Variants in ADAMTS2 observed in about 807,000 individuals in gnomAD.
The protein encoded by ADAMTS2 is A disintegrin and metalloproteinase with thrombospondin motifs 2.
In ADAMTS2, 50 loss-of-function variants were observed where a neutral mutation model predicts 123.0. The ratio of observed to expected loss-of-function variants is 0.41; its 90% CI spans 0.32 to 0.51. The LOEUF is 0.51. Among genes scored for constraint, ADAMTS2 ranks in the 20% least tolerant of loss-of-function variants. The pLI, the probability that ADAMTS2 is intolerant of heterozygous loss-of-function variation, is 0.35. For synonymous variants in ADAMTS2, 678 were observed against 695.4 expected (o/e 0.98, Z 0.39); for missense variants, 1,494 against 1,705.2 (o/e 0.88, Z 2.18).
intron 17 of ADAMTS2, among the ~76,000 whole-genome samples, chr5:179,127,012 T>C (rs1323990111): frequency 6.6e-6 from 1 of 152,186 alleles, no homozygotes; most frequent in African/African-American, 2.4e-5. Flanking sequence ...CTGGAGGCCA[T>C]GAGGAGAATT....
chr5:179,302,917 A>G (rs905259410), intron 2 of ADAMTS2, among the ~76,000 whole-genome samples: 4 of 125,412 alleles, frequency 3.2e-5, no homozygotes, highest in African/African-American at 9.2e-5. Context: ...GAGTGTGGAG[A>G]GCAAAGGGTG....
At chr5:179,236,147 G>C (rs1765516607) in intron 3 of ADAMTS2, among the ~76,000 whole-genome samples, 1 of 152,238 alleles carries the variant, frequency 6.6e-6, no homozygotes, top group African/African-American at 2.4e-5. Context: ...TCCCAGGCAG[G>C]GGGAAGAGCT....
At chr5:179,143,093 G>A (rs775077248) in intron 10 of ADAMTS2, among the ~76,000 whole-genome samples, 14 of 152,286 alleles carry the variant, frequency 9.2e-5, no homozygotes, top group African/African-American at 2.4e-4. Context: ...CAGGAATGAC[G>A]TGTCACCAAA....
At chr5:179,249,821 A>T (rs1470590172) in intron 3 of ADAMTS2, among the ~76,000 whole-genome samples, 1 of 152,148 alleles carries the variant, frequency 6.6e-6, no homozygotes, top group East Asian at 1.9e-4. Context: ...CCTATCACTT[A>T]AAGAATTAAT....
intron 3 of ADAMTS2, among the ~76,000 whole-genome samples, chr5:179,251,881 A>G (rs1008117031): frequency 1.3e-5 from 2 of 152,186 alleles, no homozygotes; most frequent in Non-Finnish European, 2.9e-5. Flanking sequence ...TGTCTGCAGA[A>G]TTACCTATTT....
intron 4 of ADAMTS2, among the ~76,000 whole-genome samples, chr5:179,198,750 C>T (rs1169638292): frequency 1.3e-5 from 2 of 151,846 alleles, no homozygotes; most frequent in African/African-American, 4.8e-5. Flanking sequence ...AGGAGAATTG[C>T]TTGAACCTGA....
In ADAMTS2 at chr5:179,226,276, C is replaced by CTTT. The variant is rs112956370; in HGVS notation, c.689-18564_689-18562dup. 5.9e-3 allele frequency among the ~76,000 whole-genome samples: 775 copies of CTTT among 132,268 alleles called. 11 individuals carry two copies. The highest frequency in any genetic ancestry group is 0.016 in the African/African-American group (574 of 36,010). 86.8% of individuals were successfully genotyped at this position (132,268 alleles called of 152,430 possible). On this transcript the variant is annotated intron_variant, in intron 3 of 21. Coordinates refer to ENST00000251582, the MANE Select transcript of ADAMTS2 (RefSeq NM_014244.5). The stretch of plus-strand genomic sequence containing the variant: ...TCTTCTCTTTCTTCTTTCCTTCTTT[C>CTTT]TTTTTTTTTTTTGAGACAGAGTCTC...
chr5:179,205,533 A>T (rs2113369439), intron 4 of ADAMTS2, among the ~76,000 whole-genome samples: 1 of 152,332 alleles, frequency 6.6e-6, no homozygotes, highest in African/African-American at 2.4e-5. Flanking sequence ...TGGAGTCGCC[A>T]TCGGACTGTA....
At chr5:179,219,595 G>A (rs766845961) in intron 3 of ADAMTS2, among the ~76,000 whole-genome samples, 3 of 152,202 alleles carry the variant, frequency 2.0e-5, no homozygotes, top group African/African-American at 4.8e-5. Context: ...TCCCAGATAC[G>A]TGTCCTTGGG....
chr5:179,125,863 A>C, intron 18 of ADAMTS2, 135 bp downstream of exon 18: 1 of 1,341,086 alleles, frequency 7.5e-7, no homozygotes, highest in Non-Finnish European at 1.0e-6. Context: ...CTTAGATTCC[A>C]TGAAATGTGG....
chr5:179,207,470 G>GT, intron 4 of ADAMTS2, 43 bp downstream of exon 4: 2 of 1,323,550 alleles, frequency 1.5e-6, no homozygotes, highest in Non-Finnish European at 2.2e-6. Context: ...GCCCCTGGTT[G>GT]ACCCTCCCCG....
At chr5:179,227,232 G>A (rs565330666) in intron 3 of ADAMTS2, among the ~76,000 whole-genome samples, 110 of 152,328 alleles carry the variant, frequency 7.2e-4, no homozygotes, top group African/African-American at 2.5e-3. Flanking sequence ...GACAGCCAAT[G>A]GGAGGGGGAT....
intron 11 of ADAMTS2, among the ~76,000 whole-genome samples, chr5:179,139,108 C>T (rs1176344122): frequency 1.3e-5 from 2 of 152,214 alleles, no homozygotes; most frequent in Non-Finnish European, 2.9e-5. Context: ...GCAGGGCCTG[C>T]GGCGTAAGAG....
chr5:179,288,410 C>G (rs1183758258), intron 2 of ADAMTS2, among the ~76,000 whole-genome samples: 1 of 152,230 alleles, frequency 6.6e-6, no homozygotes, highest in Non-Finnish European at 1.5e-5. Flanking sequence ...GACGAAGGAT[C>G]CTGTCTGGTT....
In ADAMTS2 at chr5:179,118,224, A is replaced by G. The variant is rs560993924; in HGVS notation, c.3178+3437T>C. Among the ~76,000 whole-genome samples, 3 of 152,402 alleles carry G rather than the reference A, an allele frequency of 2.0e-5. No homozygotes were observed. The highest frequency in any genetic ancestry group is 4.1e-4 in the South Asian group (2 of 4,834). Reference sequence around the variant, plus strand: ...ATGCAAATAGCCTAGGAAAATTTCAAAATAGCCTAGAAAAATTTCAAAGTC... The same window carrying G: ...ATGCAAATAGCCTAGGAAAATTTCAGAATAGCCTAGAAAAATTTCAAAGTC... On this transcript the variant is annotated intron_variant, in intron 21 of 21. Transcript: ENST00000251582. The surrounding 1 kb of genome is among the most constrained non-coding windows in gnomAD (Gnocchi z 4.5).
rs1028711956 is a variant in ADAMTS2 at position 179,197,901 on chromosome 5, C to A, written c.891+9612G>T. 6.6e-6 allele frequency among the ~76,000 whole-genome samples: 1 copy of A among 151,806 alleles called. No homozygotes were observed. Among genetic ancestry groups the A allele is most frequent in the African/African-American group, 2.4e-5 (1 of 41,074 alleles). ...GCCTCGCCTGTCAGGCCCAAGCCCA[C>A]TCTTTAGGGGTGCCCAGGCCCACAC... is the stretch of plus-strand genomic sequence containing the variant. On this transcript the variant is annotated intron_variant, in intron 4 of 21. Coordinates refer to ENST00000251582, the MANE Select transcript of ADAMTS2 (RefSeq NM_014244.5). This position sits in a 1 kb window ranked among gnomAD's most constrained non-coding sequence, Gnocchi z 4.2.
chr5:179,219,968 T>C (rs964854222), intron 3 of ADAMTS2, among the ~76,000 whole-genome samples: 1 of 151,706 alleles, frequency 6.6e-6, no homozygotes, highest in African/African-American at 2.4e-5. Flanking sequence ...CTGGGGCGGG[T>C]GACAAGAGCC....
intron 2 of ADAMTS2, among the ~76,000 whole-genome samples, chr5:179,334,873 G>C (rs1757573563): frequency 6.6e-6 from 1 of 152,126 alleles, no homozygotes; most frequent in African/African-American, 2.4e-5. Context: ...AAAAATGGAT[G>C]ACCTGTATAA....
rs1378111710 is a variant in ADAMTS2, at chr5:179,308,773, C to T, written c.534+34994G>A. The stretch of plus-strand genomic sequence containing the variant: ...GCTGCCATGGAACCCCACCCTCCTG[C>T]AGGTTCCTGGCCCCTCTGCCTCCTC... On this transcript the variant is annotated intron_variant, in intron 2 of 21. Coordinates refer to ENST00000251582, the MANE Select transcript of ADAMTS2 (RefSeq NM_014244.5). This position sits in a 1 kb window ranked among gnomAD's most constrained non-coding sequence, Gnocchi z 6.6. Among the ~76,000 whole-genome samples the T allele has an allele frequency of 6.6e-6, 1 of 152,182 alleles. No homozygotes were observed. The highest frequency in any genetic ancestry group is 2.4e-5 in the African/African-American group (1 of 41,450).
Sources: allele counts gnomAD v4.1 joint callset (sites outside exome capture counted in the v4.1 genomes callset), GRCh38; gene constraint gnomAD v4.1.1; non-coding constraint Gnocchi (gnomAD v3.1); transcripts MANE v1.5; gene names NCBI Gene and HGNC (gene_info 2026-07-23, HGNC 2026-07-21).